Variants in SLC38A1 observed in about 807,000 individuals in gnomAD.
The protein encoded by SLC38A1 is sodium-coupled neutral amino acid symporter 1.
A neutral mutation model predicts 60.3 loss-of-function variants in SLC38A1; 18 were observed. The ratio of observed to expected loss-of-function variants is 0.30; its 90% CI spans 0.21 to 0.44. SLC38A1 has a LOEUF of 0.44. SLC38A1 is among the 20% of genes least tolerant of loss of function. SLC38A1 has a pLI of 1.00. For missense variants in SLC38A1, 448 were observed against 587.2 expected (o/e 0.76, Z 2.45); for synonymous variants, 196 against 212.1 (o/e 0.92, Z 0.66).
Position 46,204,360 on chromosome 12 carries a change from T to G in SLC38A1, c.763A>C (p.Ser255Arg). Residue 255 changes from serine to arginine, a missense_variant, in exon 11 of 17, where the codon AGT becomes CGT. Ser to Arg is a moderately radical substitution (Grantham distance 110, BLOSUM62 -1). Transcript: ENST00000398637. ...CIVPELNSTI[S>R]ANSTNADTCT... ...GTGTCAGCATTTGTTGAATTAGCAC[T>G]TATTGTTGAATTTAGCTCTGGAACA... The G allele has an allele frequency of 6.2e-7, 1 of 1,613,846 alleles. No individual in the cohort carries two copies.
At chr12:46,202,695 G>A (rs186964449) in intron 12 of SLC38A1, among the ~76,000 whole-genome samples, 193 of 152,244 alleles carry the variant, frequency 1.3e-3, no homozygotes, top group African/African-American at 4.5e-3. Flanking sequence ...CATACGTAAT[G>A]GAAAGCAACA....
chr12:46,259,735 GT>G (rs1405334506), intron 1 of SLC38A1, among the ~76,000 whole-genome samples: 2 of 152,168 alleles, frequency 1.3e-5, no homozygotes, highest in Non-Finnish European at 2.9e-5. Context: ...GGTTTAACCT[GT>G]GCTTAAGGTC....
intron 5 of SLC38A1, among the ~76,000 whole-genome samples, chr12:46,210,786 T>C (rs1940128727): frequency 2.0e-5 from 3 of 152,214 alleles, no homozygotes; most frequent in Admixed American, 1.3e-4. Context: ...CCTTCCGCCA[T>C]AATTGTGAGG....
intron 5 of SLC38A1, among the ~76,000 whole-genome samples, chr12:46,226,918 C>T (rs1486634154): frequency 2.6e-5 from 4 of 152,064 alleles, no homozygotes; most frequent in Non-Finnish European, 4.4e-5. Flanking sequence ...CTGTGCCCGG[C>T]CAAGGCCATG....
At chr12:46,229,050 T>TA (rs1393173368) in intron 5 of SLC38A1, 103 bp downstream of exon 5, 5 of 655,752 alleles carry the variant, frequency 7.6e-6, no homozygotes, top group African/African-American at 1.8e-5. Context: ...GCCAAGTTAA[T>TA]AAAAAAACTA....
intron 9 of SLC38A1, 45 bp downstream of exon 9, chr12:46,206,035 C>A: frequency 1.7e-6 from 2 of 1,156,042 alleles, no homozygotes; most frequent in Non-Finnish European, 2.6e-6. Flanking sequence ...GTTTCTGATT[C>A]ACTTGGGCAC....
At chr12:46,242,200 A>G (rs562417735) in intron 2 of SLC38A1, among the ~76,000 whole-genome samples, 1 of 152,304 alleles carries the variant, frequency 6.6e-6, no homozygotes, top group East Asian at 1.9e-4. Context: ...ATCACAAAGA[A>G]TAATTTTTTA....
intron 5 of SLC38A1, among the ~76,000 whole-genome samples, chr12:46,209,419 A>G (rs1940049766): frequency 1.3e-5 from 2 of 152,176 alleles, no homozygotes; most frequent in Non-Finnish European, 1.5e-5. Flanking sequence ...ACATTATGAA[A>G]GAAGGCTTTT....
intron 5 of SLC38A1, among the ~76,000 whole-genome samples, chr12:46,221,931 A>G (rs1940675563): frequency 6.6e-6 from 1 of 152,202 alleles, no homozygotes; most frequent in African/African-American, 2.4e-5. Context: ...ATGAGGATTC[A>G]GAAGACAGAG....
chr12:46,239,904 G>T lies in SLC38A1; in HGVS notation c.-93-11C>A. On this transcript the variant is annotated splice_polypyrimidine_tract_variant and intron_variant, in intron 2 of 16. Coordinates refer to ENST00000398637, the MANE Select transcript of SLC38A1 (RefSeq NM_030674.4). ...GGAAGCTTGACACCCCTAAAATATA[G>T]CAAAATAAAAAAATAACTAAACATA... 9.7e-7 allele frequency: 1 copy of T among 1,027,274 alleles called. No individual in the cohort carries two copies. Among genetic ancestry groups the T allele is most frequent in the Non-Finnish European group, 1.4e-6 (1 of 708,284 alleles). 63.6% of individuals were successfully genotyped at this position (1,027,274 alleles called of 1,614,324 possible). A position where few individuals can be genotyped will look rare whatever the true frequency, so the allele number is the denominator to read the frequency against.
At chr12:46,229,371 A>G in intron 4 of SLC38A1, 103 bp from the exon 5 acceptor site, 1 of 860,786 alleles carries the variant, frequency 1.2e-6, no homozygotes, top group Non-Finnish European at 1.8e-6. Flanking sequence ...TGGAAGTAAA[A>G]TTCAAGAAAA....
rs542220844 is a variant in SLC38A1, at chr12:46,268,779, C to T, written c.-462G>A. 31 of 366,386 alleles carry T rather than the reference C, an allele frequency of 8.5e-5. No individual in the cohort carries two copies. Among genetic ancestry groups the T allele is most frequent in the African/African-American group, 6.0e-4 (29 of 47,960 alleles). 22.7% of individuals were successfully genotyped at this position (366,386 alleles called of 1,614,324 possible). On this transcript the variant is annotated 5_prime_UTR_variant, in exon 1 of 17. Transcript: ENST00000398637. This position sits in a 1 kb window ranked among gnomAD's most constrained non-coding sequence, Gnocchi z 4.4. Reference sequence around the variant, plus strand: ...GCCGCCCCAGTCCGCGCTCGCCTGGCTCTCCTCCTTTCCGGGCCGATTGCA... The same window carrying T: ...GCCGCCCCAGTCCGCGCTCGCCTGGTTCTCCTCCTTTCCGGGCCGATTGCA...
chr12:46,220,939 C>T (rs1037571129), intron 5 of SLC38A1, among the ~76,000 whole-genome samples: 2 of 152,130 alleles, frequency 1.3e-5, no homozygotes, highest in Admixed American at 6.5e-5. Context: ...CTTAGGGCAA[C>T]GTGCTGATGG....
At chr12:46,207,447 T>C in intron 7 of SLC38A1, 82 bp downstream of exon 7, 1 of 1,349,962 alleles carries the variant, frequency 7.4e-7, no homozygotes. Context: ...TGATAACTGC[T>C]TGAATTATGT....
At chr12:46,242,985 G>A (rs1195489883) in intron 2 of SLC38A1, among the ~76,000 whole-genome samples, 2 of 151,674 alleles carry the variant, frequency 1.3e-5, no homozygotes, top group Non-Finnish European at 2.9e-5. Flanking sequence ...GGTGATTTTA[G>A]ATTGTTTTTA....
chr12:46,231,829 G>A (rs922460960), intron 3 of SLC38A1, among the ~76,000 whole-genome samples: 47 of 152,146 alleles, frequency 3.1e-4, no homozygotes, highest in African/African-American at 9.7e-4. Flanking sequence ...TAGTAGAGAC[G>A]TGGTTTTGCT....
chr12:46,264,928 C>G (rs968384952), intron 1 of SLC38A1, among the ~76,000 whole-genome samples: 1 of 152,142 alleles, frequency 6.6e-6, no homozygotes, highest in Admixed American at 6.5e-5. Context: ...TATATTCTCC[C>G]AGAGACTAAA....
chr12:46,225,584 C>G (rs1261400075), intron 5 of SLC38A1, among the ~76,000 whole-genome samples: 2 of 152,104 alleles, frequency 1.3e-5, no homozygotes, highest in Non-Finnish European at 2.9e-5. Flanking sequence ...TCTGGGTGAT[C>G]TGAACAGCCA....
intron 1 of SLC38A1, among the ~76,000 whole-genome samples, chr12:46,248,780 T>C (rs546705633): frequency 6.6e-6 from 1 of 152,132 alleles, no homozygotes; most frequent in Non-Finnish European, 1.5e-5. Context: ...AGTAAAGCAC[T>C]CCTCAGCAAA....
Sources: allele counts gnomAD v4.1 joint callset (sites outside exome capture counted in the v4.1 genomes callset), GRCh38; gene constraint gnomAD v4.1.1; non-coding constraint Gnocchi (gnomAD v3.1); transcripts MANE v1.5; gene names NCBI Gene and HGNC (gene_info 2026-07-23, HGNC 2026-07-21).